Variants in GNB4 observed in about 807,000 individuals in gnomAD.
GNB4 encodes the protein G protein subunit beta 4.
GNB4 carries 28 observed loss-of-function variants against 45.2 expected under a neutral mutation model. That is an observed-to-expected ratio of 0.62 (90% confidence interval 0.46 to 0.85). The LOEUF (loss-of-function observed/expected upper bound fraction) is 0.85. Ranked by LOEUF, GNB4 falls within the 40% of genes least tolerant of loss-of-function variation. GNB4 has a pLI of 0.00. For synonymous variants in GNB4, 132 were observed against 143.7 expected, an observed-to-expected ratio of 0.92 and a Z score of 0.58; for missense variants, 321 against 425.4, an observed-to-expected ratio of 0.75 and a Z score of 2.16.
Position 179,443,477 on chromosome 3 carries a change from T to C in GNB4, c.-43+7869A>G, listed in dbSNP as rs188553560. Among the ~76,000 whole-genome samples the C allele has an allele frequency of 2.9e-3, 427 of 148,892 alleles. 2 individuals are homozygous for C. The highest frequency in any genetic ancestry group is 9.8e-3 in the African/African-American group (395 of 40,336). ...TCTTTTGAGCCTGGGAGAAAGAGGT[T>C]GCAGTGAGCCGAGATCTCACCACTG... On this transcript the variant is annotated intron_variant, in intron 1 of 9. Transcript: ENST00000232564.
the GNB4 span, among the ~76,000 whole-genome samples, chr3:179,480,770 C>T: frequency 6.6e-6 from 1 of 152,084 alleles, no homozygotes; most frequent in East Asian, 1.9e-4. Flanking sequence ...CCTGGTCAGT[C>T]AGTCTCTACC....
At chr3:179,493,151 G>C in the GNB4 span, among the ~76,000 whole-genome samples, 1 of 152,014 alleles carries the variant, frequency 6.6e-6, no homozygotes, top group Non-Finnish European at 1.5e-5. Context: ...TCAATACAAG[G>C]CCTCAAGAAA....
the GNB4 span, among the ~76,000 whole-genome samples, chr3:179,477,834 C>T: frequency 6.6e-6 from 1 of 152,148 alleles, no homozygotes; most frequent in African/African-American, 2.4e-5. Context: ...TTCTATCCTG[C>T]TCCTCTAAAT....
At chr3:179,440,682 A>G (rs556893090) in intron 1 of GNB4, among the ~76,000 whole-genome samples, 1 of 152,310 alleles carries the variant, frequency 6.6e-6, no homozygotes, top group Admixed American at 6.5e-5. Context: ...ATGACATTGA[A>G]CAGGATATGT....
At chr3:179,456,671 A>G in the GNB4 span, among the ~76,000 whole-genome samples, 1 of 152,148 alleles carries the variant, frequency 6.6e-6, no homozygotes, top group African/African-American at 2.4e-5. Context: ...GAACAGTTCC[A>G]TCACTCCCCA....
chr3:179,468,686 CAA>C, the GNB4 span, among the ~76,000 whole-genome samples: 1 of 152,052 alleles, frequency 6.6e-6, no homozygotes, highest in African/African-American at 2.4e-5. Flanking sequence ...AGTAAGATAC[CAA>C]CATGACATAT....
At chr3:179,418,584 T>A (rs1265644601) in intron 4 of GNB4, among the ~76,000 whole-genome samples, 1 of 152,196 alleles carries the variant, frequency 6.6e-6, no homozygotes, top group Non-Finnish European at 1.5e-5. Flanking sequence ...ATGTTCTATA[T>A]TATTGTGGTC....
intron 8 of GNB4, among the ~76,000 whole-genome samples, chr3:179,407,468 GTAAA>G (rs958253718): frequency 1.2e-4 from 18 of 152,096 alleles, no homozygotes; most frequent in Admixed American, 7.2e-4. Context: ...AAATAAGTAA[GTAAA>G]TAAATAAATA....
intron 1 of GNB4, among the ~76,000 whole-genome samples, chr3:179,441,935 G>C (rs1293911912): frequency 1.3e-5 from 2 of 151,818 alleles, no homozygotes; most frequent in Non-Finnish European, 2.9e-5. Flanking sequence ...AGCCTTCCGA[G>C]TAGCTGAGAT....
chr3:179,437,527 C>A (rs1032039040), intron 1 of GNB4, among the ~76,000 whole-genome samples: 1 of 151,646 alleles, frequency 6.6e-6, no homozygotes, highest in African/African-American at 2.4e-5. Context: ...GATTGCACAA[C>A]TGCACTCCTG....
chr3:179,421,349 A>G (rs1209945917), intron 2 of GNB4, among the ~76,000 whole-genome samples: 2 of 152,222 alleles, frequency 1.3e-5, no homozygotes, highest in Admixed American at 1.3e-4. Context: ...GGATTATCAA[A>G]AGGAAGACGG....
the GNB4 span, among the ~76,000 whole-genome samples, chr3:179,506,363 A>T: frequency 6.6e-6 from 1 of 152,206 alleles, no homozygotes; most frequent in African/African-American, 2.4e-5. Flanking sequence ...AAGGAAAAAA[A>T]GGAAAATTAC....
the GNB4 span, among the ~76,000 whole-genome samples, chr3:179,472,997 A>G: frequency 0.01 from 1,593 of 152,250 alleles, 26 homozygotes; most frequent in African/African-American, 0.037. Context: ...CCCCTTCTCT[A>G]CTAAAAATAC....
the GNB4 span, among the ~76,000 whole-genome samples, chr3:179,482,782 A>G: frequency 2.0e-5 from 3 of 152,154 alleles, no homozygotes; most frequent in Admixed American, 6.5e-5. Context: ...GAGGTGAGGG[A>G]GGTGGTATGG....
chr3:179,496,476 TA>T, the GNB4 span, among the ~76,000 whole-genome samples: 2 of 152,098 alleles, frequency 1.3e-5, no homozygotes, highest in African/African-American at 4.8e-5. Flanking sequence ...AAGACGGCAA[TA>T]GTATGCACTT....
In GNB4 at chr3:179,405,356, G is replaced by T. The variant is rs763262757; in HGVS notation, c.750C>A (p.Cys250Ter). The T allele has an allele frequency of 1.9e-6, 3 of 1,613,896 alleles. No individual in the cohort carries two copies. Among genetic ancestry groups the T allele is most frequent in the Non-Finnish European group, 8.5e-7 (1 of 1,179,824 alleles). Reference protein sequence around the residue: ...AFATGSDDATCRLFDLRADQE... With the variant: ...AFATGSDDAT The stretch of plus-strand genomic sequence containing the variant: ...GATCTGCACGAAGGTCAAAGAGCCG[G>T]CAAGTGGCATCATCAGAGCCAGTGG... Residue 250 changes from cysteine to a stop codon, truncating the protein, a stop_gained, in exon 9 of 10, where the codon TGC becomes TGA. Transcript: ENST00000232564. LOFTEE classifies it high-confidence loss of function.
At chr3:179,475,269 C>T in the GNB4 span, among the ~76,000 whole-genome samples, 2 of 151,848 alleles carry the variant, frequency 1.3e-5, no homozygotes, top group East Asian at 3.9e-4. Context: ...ATGCACGTGC[C>T]ACCATGCCTG....
chr3:179,441,183 T>C (rs1715585022), intron 1 of GNB4, among the ~76,000 whole-genome samples: 1 of 152,194 alleles, frequency 6.6e-6, no homozygotes. Flanking sequence ...TAAGTAACTA[T>C]ACAGCCATGC....
chr3:179,468,044 A>ATATATATATATATATATATATATG, the GNB4 span, among the ~76,000 whole-genome samples: 212 of 99,040 alleles, frequency 2.1e-3, 17 homozygotes, highest in African/African-American at 3.7e-3. Context: ...AAATATATAT[A>ATATATATATATATATATATATATG]TATATAGAAC....
Sources: gnomAD v4.1 joint callset for allele counts (sites outside exome capture counted in the v4.1 genomes callset) on GRCh38, gnomAD v4.1.1 for gene constraint, MANE v1.5 for transcripts, NCBI Gene and HGNC (gene_info 2026-07-23, HGNC 2026-07-21) for gene names.